MDFIC: variants seen among roughly 807,000 people sequenced by gnomAD.
MDFIC encodes myoD family inhibitor domain-containing protein.
A neutral mutation model predicts 23.2 loss-of-function variants in MDFIC; 17 were observed. The observed-to-expected ratio is 0.73, with a 90% CI of 0.50 to 1.10. The LOEUF is 1.10. Ranked by LOEUF, MDFIC falls within the 50% of genes least tolerant of loss-of-function variation. MDFIC has a pLI of 0.00. For synonymous variants in MDFIC, 120 were observed against 115.2 expected (o/e 1.04, Z -0.27); for missense variants, 356 against 316.6 (o/e 1.12, Z -0.95).
At chr7:115,007,907 C>T (rs1791605103) in intron 4 of MDFIC, among the ~76,000 whole-genome samples, 1 of 148,226 alleles carries the variant, frequency 6.7e-6, no homozygotes, top group African/African-American at 2.5e-5. Context: ...TCATGTTGCC[C>T]AGGGTAGTCA....
chr7:114,964,639 C>T (rs980746060), intron 3 of MDFIC, among the ~76,000 whole-genome samples: 1 of 152,140 alleles, frequency 6.6e-6, no homozygotes, highest in Admixed American at 6.6e-5. Context: ...CAACCTCCGC[C>T]TCCTGAGTTC....
chr7:114,975,890 A>G (rs187653574), intron 3 of MDFIC, among the ~76,000 whole-genome samples: 240 of 152,262 alleles, frequency 1.6e-3, no homozygotes, highest in African/African-American at 5.6e-3. Context: ...GAGTAAAGGG[A>G]TAATACTTGG....
At chr7:114,975,349 C>T (rs560126798) in intron 3 of MDFIC, among the ~76,000 whole-genome samples, 1 of 152,054 alleles carries the variant, frequency 6.6e-6, no homozygotes, top group South Asian at 2.1e-4. Flanking sequence ...CAGAAGATAG[C>T]AGTGCACTCC....
chr7:114,986,888 C>T (rs1793524938), intron 4 of MDFIC, among the ~76,000 whole-genome samples: 5 of 152,146 alleles, frequency 3.3e-5, no homozygotes, highest in Admixed American at 3.3e-4. Flanking sequence ...GTCTGTCTTA[C>T]TCATCTTTTA....
At chr7:114,982,408 G>C in intron 4 of MDFIC, among the ~76,000 whole-genome samples, 1 of 152,148 alleles carries the variant, frequency 6.6e-6, no homozygotes, top group Non-Finnish European at 1.5e-5. Context: ...TGAGACTAAA[G>C]TTTGGTCAGG....
At chr7:115,000,976 C>T (rs1456647022) in intron 4 of MDFIC, among the ~76,000 whole-genome samples, 1 of 152,100 alleles carries the variant, frequency 6.6e-6, no homozygotes, top group Non-Finnish European at 1.5e-5. Context: ...CATAGTGTGG[C>T]CTCAGGCCCC....
At chr7:114,924,383 A>C (rs1426763181) in intron 2 of MDFIC, among the ~76,000 whole-genome samples, 2 of 152,244 alleles carry the variant, frequency 1.3e-5, no homozygotes, top group Non-Finnish European at 2.9e-5. Context: ...AACCAGGCTT[A>C]TGTCAAAAAT....
At chr7:114,931,333 C>G (rs530211834) in intron 2 of MDFIC, among the ~76,000 whole-genome samples, 43 of 152,164 alleles carry the variant, frequency 2.8e-4, no homozygotes, top group Non-Finnish European at 2.6e-4. Context: ...TTCAGATTCA[C>G]GCCCACATGA....
intron 2 of MDFIC, among the ~76,000 whole-genome samples, chr7:114,929,424 G>A (rs544103810): frequency 6.6e-6 from 1 of 152,210 alleles, no homozygotes; most frequent in East Asian, 1.9e-4. Flanking sequence ...TTTTATAATG[G>A]AGTTAATAGA....
intron 4 of MDFIC, among the ~76,000 whole-genome samples, chr7:115,011,553 A>G (rs1770356278): frequency 6.6e-6 from 1 of 152,230 alleles, no homozygotes; most frequent in African/African-American, 2.4e-5. Context: ...GGATCTATTT[A>G]GACCTAAGAA....
chr7:114,974,744 A>G lies in MDFIC; in HGVS notation c.218-4762A>G, dbSNP rs192236618. ...AAAATTGTCAAAAGAAGTTCATGCT[A>G]TTGACTCATTTACTCCCATATTTAT... is the stretch of plus-strand genomic sequence containing the variant. On this transcript the variant is annotated intron_variant, in intron 3 of 4. Coordinates refer to ENST00000393486, the MANE Select transcript of MDFIC (RefSeq NM_001166345.3). Among the ~76,000 whole-genome samples, 1,437 of 152,206 alleles carry G rather than the reference A, an allele frequency of 9.4e-3. 6 individuals carry two copies. Among genetic ancestry groups the G allele is most frequent in the Non-Finnish European group, 0.016 (1,062 of 67,976 alleles).
intron 4 of MDFIC, among the ~76,000 whole-genome samples, chr7:114,989,678 C>G (rs1033293675): frequency 6.6e-6 from 1 of 152,150 alleles, no homozygotes; most frequent in African/African-American, 2.4e-5. Context: ...AATTGTTAAC[C>G]TCGATGGCTC....
chr7:114,995,820 C>A (rs945092140), intron 4 of MDFIC, among the ~76,000 whole-genome samples: 3 of 152,142 alleles, frequency 2.0e-5, no homozygotes, highest in Admixed American at 6.5e-5. Flanking sequence ...GCAGTCTGTC[C>A]GTTCTCAGAT....
chr7:114,952,483 A>G (rs1792796833), intron 3 of MDFIC, among the ~76,000 whole-genome samples: 1 of 152,066 alleles, frequency 6.6e-6, no homozygotes, highest in African/African-American at 2.4e-5. Context: ...TTTCCACCAA[A>G]AGCTGGATTT....
At chr7:114,973,506 T>G (rs886799064) in intron 3 of MDFIC, among the ~76,000 whole-genome samples, 5 of 152,172 alleles carry the variant, frequency 3.3e-5, no homozygotes, top group Admixed American at 1.3e-4. Flanking sequence ...TACCTGAACC[T>G]AACTGCAAGG....
intron 2 of MDFIC, among the ~76,000 whole-genome samples, chr7:114,933,617 G>C (rs1271218253): frequency 1.3e-5 from 2 of 152,092 alleles, no homozygotes; most frequent in Non-Finnish European, 2.9e-5. Flanking sequence ...TATAGATATG[G>C]TGTCTCTGGA....
At chr7:114,985,450 T>C (rs1039263583) in intron 4 of MDFIC, among the ~76,000 whole-genome samples, 3 of 152,052 alleles carry the variant, frequency 2.0e-5, no homozygotes, top group Non-Finnish European at 4.4e-5. Context: ...CCAAAGGATT[T>C]TGTTTTTCTT....
intron 4 of MDFIC, among the ~76,000 whole-genome samples, 183 bp from the exon 5 acceptor site, chr7:115,015,505 A>G (rs1426424201): frequency 6.6e-6 from 1 of 152,170 alleles, no homozygotes; most frequent in African/African-American, 2.4e-5. Flanking sequence ...ATCTACTTCT[A>G]AAGATCACTC....
chr7:114,926,261 C>T (rs572096166), intron 2 of MDFIC, among the ~76,000 whole-genome samples: 5 of 152,224 alleles, frequency 3.3e-5, no homozygotes, highest in South Asian at 2.1e-4. Flanking sequence ...TAATCCAACC[C>T]GCTCATTTTT....
Sources: allele counts gnomAD v4.1 joint callset (sites outside exome capture counted in the v4.1 genomes callset), GRCh38; gene constraint gnomAD v4.1.1; transcripts MANE v1.5; gene names NCBI Gene and HGNC (gene_info 2026-07-23, HGNC 2026-07-21).